ZNF385D: variants seen among roughly 807,000 people sequenced by gnomAD.
The protein encoded by ZNF385D is zinc finger protein 385D.
Under a neutral mutation model 35.8 loss-of-function variants are expected in ZNF385D, and 15 were observed. The observed-to-expected ratio is 0.42, with a 90% CI of 0.28 to 0.64. The LOEUF is 0.64. Ranked by LOEUF, ZNF385D falls within the 30% of genes least tolerant of loss-of-function variation. The pLI is 0.23. For synonymous variants in ZNF385D, 212 were observed against 186.8 expected (o/e 1.13, Z -1.10); for missense variants, 474 against 494.6 (o/e 0.96, Z 0.39).
At chr3:21,872,584 T>C (rs1171033612) in intron 3 of ZNF385D, among the ~76,000 whole-genome samples, 6 of 152,136 alleles carry the variant, frequency 3.9e-5, no homozygotes, top group Admixed American at 3.9e-4. Context: ...ATATCACTCT[T>C]GTACACTTCA....
intron 3 of ZNF385D, among the ~76,000 whole-genome samples, chr3:21,816,889 C>G (rs1029320625): frequency 6.6e-6 from 1 of 152,052 alleles, no homozygotes; most frequent in South Asian, 2.1e-4. Context: ...AATCCTAAGC[C>G]AAAAGAACAA....
At chr3:21,639,404 C>T (rs2065536548) in intron 2 of ZNF385D, among the ~76,000 whole-genome samples, 1 of 151,860 alleles carries the variant, frequency 6.6e-6, no homozygotes. Flanking sequence ...TTGACAAATA[C>T]ATTACATAAA....
At chr3:21,941,005 A>G (rs1188464884) in intron 3 of ZNF385D, among the ~76,000 whole-genome samples, 4 of 152,204 alleles carry the variant, frequency 2.6e-5, no homozygotes, top group African/African-American at 9.7e-5. Flanking sequence ...TTTGAAACCG[A>G]TAACTAATAA....
At chr3:22,262,601 A>G (rs1252864347) in intron 2 of ZNF385D, among the ~76,000 whole-genome samples, 1 of 151,958 alleles carries the variant, frequency 6.6e-6, no homozygotes. Context: ...ACATTTGGCA[A>G]CTGTAACTAA....
intron 3 of ZNF385D, among the ~76,000 whole-genome samples, chr3:21,928,073 A>T (rs1239981043): frequency 6.6e-6 from 1 of 151,992 alleles, no homozygotes; most frequent in Non-Finnish European, 1.5e-5. Flanking sequence ...AAAATAAAAA[A>T]GTTAGCCGGC....
At chr3:22,166,393 A>G (rs1706332103) in intron 3 of ZNF385D, among the ~76,000 whole-genome samples, 1 of 152,178 alleles carries the variant, frequency 6.6e-6, no homozygotes, top group South Asian at 2.1e-4. Context: ...GAATGAAGAA[A>G]GGCATAGTTT....
chr3:22,185,531 G>C (rs540587337), intron 2 of ZNF385D, among the ~76,000 whole-genome samples: 11 of 152,168 alleles, frequency 7.2e-5, no homozygotes, highest in Non-Finnish European at 1.2e-4. Flanking sequence ...AGTGCAGTGC[G>C]ATCTTGGCTC....
At chr3:21,777,809 T>A (rs529989942) in intron 3 of ZNF385D, 1 of 152,054 alleles carries the variant, frequency 6.6e-6, no homozygotes, top group African/African-American at 2.4e-5. Context: ...AGCTTTCTTA[T>A]GTCTCTGGCA....
At chr3:22,221,913 A>C (rs1034079128) in intron 2 of ZNF385D, among the ~76,000 whole-genome samples, 1 of 152,180 alleles carries the variant, frequency 6.6e-6, no homozygotes, top group Non-Finnish European at 1.5e-5. Flanking sequence ...GTGAATGCAT[A>C]CAGAGAAACC....
At chr3:21,949,554 CTT>C (rs372298558) in intron 3 of ZNF385D, among the ~76,000 whole-genome samples, 11 of 112,942 alleles carry the variant, frequency 9.7e-5, no homozygotes, top group Admixed American at 1.1e-4. Flanking sequence ...TTCTTTCTTT[CTT>C]TTTTTTTTTT....
At chr3:21,777,235 C>G (rs2071323120) in intron 3 of ZNF385D, among the ~76,000 whole-genome samples, 1 of 151,900 alleles carries the variant, frequency 6.6e-6, no homozygotes, top group Non-Finnish European at 1.5e-5. Context: ...CACTCTGACT[C>G]AAACCATTTT....
chr3:21,423,074 A>G (rs1700820480), intron 7 of ZNF385D, among the ~76,000 whole-genome samples: 1 of 152,242 alleles, frequency 6.6e-6, no homozygotes, highest in Non-Finnish European at 1.5e-5. Context: ...AAATGATCCT[A>G]TATCTAGAAA....
At chr3:21,671,504 C>T (rs2066575128) in intron 1 of ZNF385D, among the ~76,000 whole-genome samples, 1 of 152,088 alleles carries the variant, frequency 6.6e-6, no homozygotes. Flanking sequence ...ACACACAATT[C>T]TGCCAGGTAT....
chr3:22,170,351 G>A (rs1411555537), intron 2 of ZNF385D, among the ~76,000 whole-genome samples: 2 of 152,122 alleles, frequency 1.3e-5, no homozygotes, highest in South Asian at 2.1e-4. Context: ...ATGCTGAAAT[G>A]TTTTTAACAA....
chr3:22,100,669 C>T (rs1038701100), intron 3 of ZNF385D, among the ~76,000 whole-genome samples: 18 of 112,634 alleles, frequency 1.6e-4, no homozygotes, highest in African/African-American at 6.1e-4. Context: ...GAACATCACA[C>T]TCTGGGAATG....
intron 3 of ZNF385D, among the ~76,000 whole-genome samples, chr3:21,917,011 A>G (rs536202061): frequency 7.9e-5 from 12 of 152,208 alleles, no homozygotes; most frequent in African/African-American, 1.7e-4. Flanking sequence ...GAAAAATCAC[A>G]TATTTTAAAA....
At chr3:21,674,744 T>C (rs981678373) in intron 1 of ZNF385D, among the ~76,000 whole-genome samples, 1 of 152,112 alleles carries the variant, frequency 6.6e-6, no homozygotes, top group Non-Finnish European at 1.5e-5. Context: ...GGCTTCCTTC[T>C]AGCCAACATT....
chr3:21,962,532 G>C (rs976313598), intron 3 of ZNF385D, among the ~76,000 whole-genome samples: 1 of 152,210 alleles, frequency 6.6e-6, no homozygotes, highest in African/African-American at 2.4e-5. Flanking sequence ...CATTTTAAAA[G>C]CTTTGTAGAG....
chr3:21,978,623 C>G (rs1156865884), intron 3 of ZNF385D, among the ~76,000 whole-genome samples: 1 of 152,136 alleles, frequency 6.6e-6, no homozygotes, highest in Admixed American at 6.5e-5. Context: ...GTAAAAATTT[C>G]CATATGTGTT....
Sources: allele counts gnomAD v4.1 joint callset (sites outside exome capture counted in the v4.1 genomes callset), GRCh38; gene constraint gnomAD v4.1.1; transcripts MANE v1.5; gene names NCBI Gene and HGNC (gene_info 2026-07-23, HGNC 2026-07-21).